Variants in IMMP2L observed in about 807,000 individuals in gnomAD.
IMMP2L encodes mitochondrial inner membrane protease subunit 2.
IMMP2L carries 18 observed loss-of-function variants against 19.3 expected under a neutral mutation model. That is an observed-to-expected ratio of 0.93 (90% CI 0.64 to 1.38). The LOEUF (loss-of-function observed/expected upper bound fraction) is 1.38, where lower values mean the gene tolerates loss of function less well. Ranked by LOEUF, IMMP2L falls within the 40% of genes most tolerant of loss-of-function variation. IMMP2L has a pLI of 0.00. For missense variants in IMMP2L, 233 were observed against 218.2 expected (o/e 1.07, Z -0.43); for synonymous variants, 76 against 73.0 (o/e 1.04, Z -0.21).
At chr7:111,525,777 T>C (rs1364343267) in intron 1 of IMMP2L, among the ~76,000 whole-genome samples, 1 of 152,148 alleles carries the variant, frequency 6.6e-6, no homozygotes, top group East Asian at 1.9e-4. Context: ...ATTATGCTCA[T>C]AATTCCATTC....
intron 3 of IMMP2L, among the ~76,000 whole-genome samples, chr7:111,396,845 G>T (rs1233719061): frequency 1.3e-5 from 2 of 152,050 alleles, no homozygotes; most frequent in Admixed American, 1.3e-4. Flanking sequence ...AGCACTTTGG[G>T]AGGCCGAGGA....
Position 110,663,466 on chromosome 7 carries a change from A to G in IMMP2L, c.*136T>C. 1 of 685,692 alleles carries G rather than the reference A, an allele frequency of 1.5e-6. No individual in the cohort carries two copies. The highest frequency in any genetic ancestry group is 1.8e-5 in the South Asian group (1 of 55,748). 42.5% of individuals were successfully genotyped at this position (685,692 alleles called of 1,614,324 possible). A position where few individuals can be genotyped will look rare whatever the true frequency, so the allele number is the denominator to read the frequency against. On this transcript the variant is annotated 3_prime_UTR_variant, in exon 6 of 6. Coordinates refer to ENST00000405709, the MANE Select transcript of IMMP2L (RefSeq NM_032549.4). The stretch of plus-strand genomic sequence containing the variant: ...GAAAATTATTTATTTAATAATACAG[A>G]TCGTTTTAATGTGCTGTAAATATTT...
At chr7:110,964,160 G>A (rs1819282211) in intron 3 of IMMP2L, among the ~76,000 whole-genome samples, 1 of 152,012 alleles carries the variant, frequency 6.6e-6, no homozygotes, top group African/African-American at 2.4e-5. Flanking sequence ...ACAGCCATGT[G>A]GAACTGAGTC....
At chr7:111,084,735 G>C (rs1342699618) in intron 3 of IMMP2L, among the ~76,000 whole-genome samples, 1 of 152,174 alleles carries the variant, frequency 6.6e-6, no homozygotes, top group Non-Finnish European at 1.5e-5. Flanking sequence ...GGCACTGGTT[G>C]AGATTCCAAA....
intron 3 of IMMP2L, among the ~76,000 whole-genome samples, chr7:111,463,592 T>C (rs778911498): frequency 4.6e-5 from 7 of 152,128 alleles, no homozygotes; most frequent in South Asian, 2.1e-4. Context: ...CACAGTCCTA[T>C]TTCCCTGTCC....
intron 3 of IMMP2L, among the ~76,000 whole-genome samples, chr7:111,464,807 C>T (rs965994758): frequency 7.2e-5 from 11 of 151,924 alleles, no homozygotes; most frequent in Non-Finnish European, 1.2e-4. Flanking sequence ...TATTTTTTCC[C>T]GAAACGGAGC....
chr7:110,792,189 C>A lies in IMMP2L; in HGVS notation c.408+94404G>T, dbSNP rs115781487. 5.5e-3 allele frequency among the ~76,000 whole-genome samples: 830 copies of A among 151,718 alleles called. 27 individuals are homozygous for A. The highest frequency in any genetic ancestry group is 0.019 in the African/African-American group (789 of 41,074). On this transcript the variant is annotated intron_variant, in intron 5 of 5. Transcript: ENST00000405709. ...ACAGGTTTGACACGTGCACCCTCTA[C>A]CCTTAGCTTGTTGAATTTAGCTAAT...
intron 3 of IMMP2L, among the ~76,000 whole-genome samples, chr7:111,169,603 A>G (rs1411636280): frequency 6.6e-6 from 1 of 151,644 alleles, no homozygotes; most frequent in Admixed American, 6.6e-5. Context: ...CGTAACTCCA[A>G]TCTTCCCATA....
chr7:111,090,410 C>T (rs1284967323), intron 3 of IMMP2L, among the ~76,000 whole-genome samples: 2 of 151,938 alleles, frequency 1.3e-5, no homozygotes, highest in African/African-American at 2.4e-5. Context: ...CTCACAGATA[C>T]ACAAACACAC....
chr7:110,887,341 A>G (rs1010814138), intron 4 of IMMP2L, among the ~76,000 whole-genome samples: 2 of 152,110 alleles, frequency 1.3e-5, no homozygotes, highest in South Asian at 2.1e-4. Flanking sequence ...AAAACATTCT[A>G]TATTAATGTT....
chr7:111,559,960 G>T (rs1038309765), intron 1 of IMMP2L, among the ~76,000 whole-genome samples: 1 of 151,850 alleles, frequency 6.6e-6, no homozygotes, highest in African/African-American at 2.4e-5. Context: ...TAGCCAAGAA[G>T]AAGGAGAAAA....
At chr7:110,716,589 T>C (rs1279881932) in intron 5 of IMMP2L, among the ~76,000 whole-genome samples, 1 of 152,210 alleles carries the variant, frequency 6.6e-6, no homozygotes, top group Non-Finnish European at 1.5e-5. Flanking sequence ...AAATTCTTGT[T>C]TGGAATTTCT....
intron 5 of IMMP2L, among the ~76,000 whole-genome samples, chr7:110,787,483 A>G (rs1445897826): frequency 1.3e-5 from 2 of 151,946 alleles, no homozygotes; most frequent in Non-Finnish European, 2.9e-5. Context: ...TTCAGAAATA[A>G]TCAAGTTGCC....
intron 4 of IMMP2L, among the ~76,000 whole-genome samples, chr7:110,948,315 T>A (rs1817460702): frequency 6.6e-6 from 1 of 152,246 alleles, no homozygotes; most frequent in Admixed American, 6.5e-5. Context: ...CTGACACTAT[T>A]ACATACATAG....
intron 5 of IMMP2L, among the ~76,000 whole-genome samples, chr7:110,836,183 C>A (rs1338697742): frequency 6.6e-6 from 1 of 152,132 alleles, no homozygotes; most frequent in Non-Finnish European, 1.5e-5. Context: ...TAGGTTAATA[C>A]TGGTTCCTGT....
In IMMP2L at chr7:110,870,721, G is replaced by C. The variant is rs1005388837; in HGVS notation, c.408+15872C>G. Reference sequence around the variant, plus strand: ...ACAAAAGGCCTTTCACCTGTTCAAAGAATGGAAAGATCAGAGAGGTGCAAG... The same window carrying C: ...ACAAAAGGCCTTTCACCTGTTCAAACAATGGAAAGATCAGAGAGGTGCAAG... On this transcript the variant is annotated intron_variant, in intron 5 of 5. Coordinates refer to ENST00000405709, the MANE Select transcript of IMMP2L (RefSeq NM_032549.4). This position sits in a 1 kb window ranked among gnomAD's most constrained non-coding sequence, Gnocchi z 4.2. Among the ~76,000 whole-genome samples, 2 of 152,142 alleles carry C rather than the reference G, an allele frequency of 1.3e-5. No individual in the cohort carries two copies. Among genetic ancestry groups the C allele is most frequent in the Non-Finnish European group, 2.9e-5 (2 of 68,022 alleles).
chr7:111,301,551 T>C (rs1462952205), intron 3 of IMMP2L, among the ~76,000 whole-genome samples: 2 of 152,114 alleles, frequency 1.3e-5, no homozygotes, highest in Admixed American at 6.6e-5. Context: ...TCCTAAAGAT[T>C]TTAACCTATT....
Position 111,166,727 on chromosome 7 carries a change from G to A in IMMP2L, c.240-203162C>T, listed in dbSNP as rs368436560. On this transcript the variant is annotated intron_variant, in intron 3 of 5. Transcript: ENST00000405709. ...CATTTCCTCCAAAGTCTCTGGGGAAGAATTCTTCCTTATTTTGTCTAATTT... is the reference window on the plus strand; with the variant it reads ...CATTTCCTCCAAAGTCTCTGGGGAAAAATTCTTCCTTATTTTGTCTAATTT... Among the ~76,000 whole-genome samples, 323 of 152,134 alleles carry A rather than the reference G, an allele frequency of 2.1e-3. 2 individuals are homozygous for A. Among genetic ancestry groups the A allele is most frequent in the African/African-American group, 7.4e-3 (307 of 41,540 alleles).
intron 3 of IMMP2L, among the ~76,000 whole-genome samples, chr7:111,161,240 A>C (rs1267828348): frequency 6.6e-6 from 1 of 151,898 alleles, no homozygotes; most frequent in Non-Finnish European, 1.5e-5. Flanking sequence ...TCCCAACTCT[A>C]TGAAGTCAAT....
Sources: gnomAD v4.1 joint callset for allele counts (sites outside exome capture counted in the v4.1 genomes callset) on GRCh38, gnomAD v4.1.1 for gene constraint, Gnocchi (gnomAD v3.1) non-coding constraint, MANE v1.5 for transcripts, NCBI Gene and HGNC (gene_info 2026-07-23, HGNC 2026-07-21) for gene names.